The following SMN1 variants were observed in gnomAD, a reference collection of about 807,000 sequenced individuals.
SMN1 encodes the protein survival of motor neuron 1, telomeric.
For synonymous variants in SMN1, 3 were observed against 5.1 expected (o/e 0.58, Z 0.56); for missense variants, 15 against 17.1 (o/e 0.88, Z 0.22).
the SMN1 span, among the ~76,000 whole-genome samples, chr5:70,959,002 A>G: frequency 6.4e-4 from 96 of 150,814 alleles, no homozygotes; most frequent in African/African-American, 1.9e-3. Context: ...ACTTGGAACG[A>G]ACCCAAATGT....
At chr5:70,955,625 C>A (rs1211356378), downstream of SMN1, among the ~76,000 whole-genome samples, 6 of 136,214 alleles carry the variant, frequency 4.4e-5, no homozygotes, top group Non-Finnish European at 6.4e-5. Flanking sequence ...ACTAAAAATA[C>A]AAAAAAAAAA....
At chr5:70,957,589 C>G (rs1028334665), downstream of SMN1, among the ~76,000 whole-genome samples, 38 of 144,228 alleles carry the variant, frequency 2.6e-4, no homozygotes, top group African/African-American at 6.6e-4. Context: ...TGGTTTTTGT[C>G]TTTGGTTCTG....
At chr5:70,950,966 G>A (rs212221) in intron 7 of SMN1, among the ~76,000 whole-genome samples, 1,832 of 133,990 alleles carry the variant, frequency 0.014, no homozygotes, top group Middle Eastern at 0.033. Flanking sequence ...TAGAGTCGGG[G>A]TTTCTCCATG....
At chr5:70,960,122 A>T in the SMN1 span, among the ~76,000 whole-genome samples, 1 of 150,694 alleles carries the variant, frequency 6.6e-6, no homozygotes, top group South Asian at 2.1e-4. Flanking sequence ...TTTTTATTTT[A>T]TTGTGAAGTT....
downstream of SMN1, among the ~76,000 whole-genome samples, chr5:70,956,726 G>T (rs2112841187): frequency 6.6e-6 from 1 of 150,516 alleles, no homozygotes; most frequent in East Asian, 2.0e-4. Context: ...TAGCCTTGTA[G>T]TATAGTTTGA....
chr5:70,959,479 G>A, the SMN1 span, among the ~76,000 whole-genome samples: 1 of 112,096 alleles, frequency 8.9e-6, no homozygotes, highest in Admixed American at 1.0e-4. Context: ...AGCACTTACA[G>A]GATATTCTTA....
downstream of SMN1, among the ~76,000 whole-genome samples, chr5:70,957,593 G>T (rs954156465): frequency 4.2e-5 from 6 of 143,484 alleles, no homozygotes; most frequent in African/African-American, 1.5e-4. Flanking sequence ...TTTTGTCTTT[G>T]GTTCTGTTTA....
intron 7 of SMN1, among the ~76,000 whole-genome samples, chr5:70,949,865 T>TA (rs1332598534): frequency 2.1e-5 from 2 of 93,998 alleles, no homozygotes; most frequent in East Asian, 3.0e-4. Flanking sequence ...GGTCGGGAGT[T>TA]AGAGACTAGC....
At chr5:70,958,930 C>A (rs1390581169), downstream of SMN1, among the ~76,000 whole-genome samples, 1 of 150,100 alleles carries the variant, frequency 6.7e-6, no homozygotes, top group African/African-American at 2.4e-5. Context: ...GACTATAAAT[C>A]ATGCTGCTAT....
At chr5:70,954,885 AAAAAAAAAAAAAAAAAAC>A (rs1749860109), downstream of SMN1, among the ~76,000 whole-genome samples, 1 of 10,246 alleles carries the variant, frequency 9.8e-5, no homozygotes, top group Non-Finnish European at 1.7e-4. Flanking sequence ...AAAAAAAAAA[AAAAAAAAAAAAAAAAAAC>A]AAAACACGTT....
At chr5:70,960,075 A>G in the SMN1 span, among the ~76,000 whole-genome samples, 2 of 149,454 alleles carry the variant, frequency 1.3e-5, no homozygotes, top group South Asian at 4.3e-4. Context: ...ATCTTTGTCA[A>G]TTGAATAGTT....
downstream of SMN1, among the ~76,000 whole-genome samples, chr5:70,955,543 C>T (rs1749884867): frequency 7.0e-6 from 1 of 142,208 alleles, no homozygotes; most frequent in African/African-American, 2.6e-5. Flanking sequence ...CTTTGAGAGG[C>T]TGAGGTGGGT....
chr5:70,953,356 C>T (rs1749841110), downstream of SMN1: 1 of 76,280 alleles, frequency 1.3e-5, no homozygotes, highest in South Asian at 7.8e-4. Flanking sequence ...GGAGTTTCAC[C>T]ATGTTGGCCA....
intron 1 of SMN1, among the ~76,000 whole-genome samples, chr5:70,935,773 CAAA>C (rs879740939): frequency 2.2e-5 from 3 of 137,342 alleles, no homozygotes; most frequent in African/African-American, 8.2e-5. Context: ...CAAAACAAAA[CAAA>C]AAAAAAACAG....
downstream of SMN1, among the ~76,000 whole-genome samples, chr5:70,958,772 G>GA (rs1368105640): frequency 4.7e-5 from 7 of 148,128 alleles, no homozygotes; most frequent in African/African-American, 1.7e-4. Flanking sequence ...GTGTGGTGCT[G>GA]AAAAAAATGT....
the SMN1 span, among the ~76,000 whole-genome samples, chr5:70,959,296 A>G: frequency 6.6e-6 from 1 of 150,460 alleles, no homozygotes; most frequent in East Asian, 2.0e-4. Flanking sequence ...TAGGAGATAT[A>G]TCTAATGCTA....
chr5:70,955,161 G>A (rs1749871267), downstream of SMN1, among the ~76,000 whole-genome samples: 1 of 146,036 alleles, frequency 6.8e-6, no homozygotes. Context: ...TGTATAATGA[G>A]CCATGTTCAC....
Position 70,951,981 on chromosome 5 carries a change from C to A in SMN1, c.875C>A (p.Ser292Tyr). 1 of 1,612,928 alleles carries A rather than the reference C, an allele frequency of 6.2e-7. No individual in the cohort carries two copies. The highest frequency in any genetic ancestry group is 1.1e-5 in the South Asian group (1 of 91,010). ...CAAAAAGAAGGAAGGTGCTCACATT[C>A]CTTAAATTAAGGAGTAAGTCTGCCA... is the stretch of plus-strand genomic sequence containing the variant. ...QNQKEGRCSH[S>Y]LN Residue 292 changes from serine (S) to tyrosine (Y), a missense_variant, in exon 8 of 9, where the codon TCC (serine) becomes TAC (tyrosine). Ser to Tyr is a moderately radical substitution (Grantham distance 144). Transcript: ENST00000380707.
chr5:70,960,039 T>C, the SMN1 span, among the ~76,000 whole-genome samples: 3 of 146,174 alleles, frequency 2.1e-5, no homozygotes, highest in East Asian at 2.0e-4. Flanking sequence ...TCCTGCAAAA[T>C]AGCCAATAAT....
Sources: gnomAD v4.1 joint callset for allele counts (sites outside exome capture counted in the v4.1 genomes callset) on GRCh38, gnomAD v4.1.1 for gene constraint, MANE v1.5 for transcripts, NCBI Gene and HGNC (gene_info 2026-07-23, HGNC 2026-07-21) for gene names.